Variants in IMPG1 observed in about 807,000 individuals in gnomAD.
IMPG1 encodes interphotoreceptor matrix proteoglycan 1.
In IMPG1, 85 loss-of-function variants were observed where a neutral mutation model predicts 92.0. That is an observed-to-expected ratio of 0.92 (90% CI 0.78 to 1.11). The LOEUF is 1.11. Among genes scored for constraint, IMPG1 ranks in the 50% least tolerant of loss-of-function variants. The probability of loss-of-function intolerance (pLI) is 0.00; values close to 1 mark genes in which losing one functional copy is unlikely to be tolerated. For missense variants in IMPG1, 1,022 were observed against 956.0 expected (o/e 1.07, Z -0.91); for synonymous variants, 367 against 334.1 (o/e 1.10, Z -1.08).
intron 14 of IMPG1, among the ~76,000 whole-genome samples, chr6:75,935,232 G>T (rs926256225): frequency 6.6e-5 from 10 of 152,218 alleles, no homozygotes; most frequent in African/African-American, 2.4e-4. Flanking sequence ...GGATTCACGC[G>T]GTAGCAGGAG....
chr6:75,922,246 T>C (rs1582041698), intron 16 of IMPG1, 80 bp from the exon 17 acceptor site: 1 of 644,424 alleles, frequency 1.6e-6, no homozygotes. Context: ...TTACTGCCAC[T>C]GGTAGATAAG....
intron 12 of IMPG1, among the ~76,000 whole-genome samples, chr6:75,988,026 G>A (rs1444055627): frequency 6.6e-6 from 1 of 152,152 alleles, no homozygotes; most frequent in Admixed American, 6.5e-5. Flanking sequence ...TATCATTGAT[G>A]GACATTTGGA....
At chr6:76,054,292 T>C (rs142647626) in intron 1 of IMPG1, among the ~76,000 whole-genome samples, 1 of 152,194 alleles carries the variant, frequency 6.6e-6, no homozygotes, top group East Asian at 1.9e-4. Context: ...CATTCTGAGG[T>C]TTAGTGCTAG....
intron 12 of IMPG1, among the ~76,000 whole-genome samples, chr6:75,991,131 G>A (rs1210384466): frequency 6.6e-6 from 1 of 152,106 alleles, no homozygotes; most frequent in East Asian, 1.9e-4. Flanking sequence ...GGTGGTTCAC[G>A]CCTATAATCC....
intron 11 of IMPG1, among the ~76,000 whole-genome samples, chr6:76,003,283 AT>A (rs1187557403): frequency 3.3e-5 from 5 of 152,216 alleles, no homozygotes; most frequent in Admixed American, 2.0e-4. Context: ...CATGTTATGA[AT>A]TATTTCATTT....
chr6:76,050,478 A>G (rs1179671215), intron 1 of IMPG1, among the ~76,000 whole-genome samples: 8 of 152,088 alleles, frequency 5.3e-5, no homozygotes, highest in Non-Finnish European at 1.5e-5. Context: ...AAGCATGTTT[A>G]TTAGCTACTG....
At chr6:76,068,033 T>C (rs1399638690) in intron 1 of IMPG1, among the ~76,000 whole-genome samples, 2 of 152,152 alleles carry the variant, frequency 1.3e-5, no homozygotes, top group South Asian at 4.2e-4. Flanking sequence ...AGAAGGAACA[T>C]ACCTCAAAAT....
chr6:76,024,491 T>C (rs1783488684), intron 5 of IMPG1, among the ~76,000 whole-genome samples: 1 of 152,158 alleles, frequency 6.6e-6, no homozygotes, highest in African/African-American at 2.4e-5. Context: ...TCCTCTGCCT[T>C]TTGGCAAACT....
chr6:75,981,021 G>T (rs974296559), intron 12 of IMPG1, among the ~76,000 whole-genome samples: 1 of 152,188 alleles, frequency 6.6e-6, no homozygotes, highest in Non-Finnish European at 1.5e-5. Context: ...CACTGGTAGA[G>T]GAAAGGTTCC....
intron 1 of IMPG1, among the ~76,000 whole-genome samples, chr6:76,042,359 T>C (rs1783859990): frequency 1.3e-5 from 2 of 152,108 alleles, no homozygotes; most frequent in Admixed American, 1.3e-4. Context: ...TCTCAAATCA[T>C]CTTGCCTTTA....
intron 2 of IMPG1, among the ~76,000 whole-genome samples, chr6:76,036,793 C>T (rs1489880097): frequency 5.0e-4 from 10 of 19,936 alleles, no homozygotes; most frequent in Non-Finnish European, 1.4e-3. Context: ...TATTGAGTGG[C>T]TATGGTAGAT....
chr6:75,938,846 C>CAA (rs1394512461), intron 14 of IMPG1, among the ~76,000 whole-genome samples: 2 of 149,942 alleles, frequency 1.3e-5, no homozygotes, highest in Non-Finnish European at 3.0e-5. Flanking sequence ...CAAAACAAAA[C>CAA]AAAAAAATAC....
intron 12 of IMPG1, among the ~76,000 whole-genome samples, chr6:75,963,162 T>C (rs2149462514): frequency 1.3e-5 from 2 of 152,184 alleles, no homozygotes; most frequent in African/African-American, 4.8e-5. Flanking sequence ...TAATAAAATA[T>C]CACTATATTG....
intron 4 of IMPG1, among the ~76,000 whole-genome samples, chr6:76,031,633 C>T (rs1783654633): frequency 6.6e-6 from 1 of 152,222 alleles, no homozygotes; most frequent in African/African-American, 2.4e-5. Context: ...CCATATTTAA[C>T]AACTCTCGTT....
intron 2 of IMPG1, 79 bp downstream of exon 2, chr6:76,041,814 G>T: frequency 1.1e-6 from 1 of 934,866 alleles, no homozygotes. Flanking sequence ...GAAGTTTTAG[G>T]CTAAAGACAA....
chr6:75,974,033 A>C (rs1394062107), intron 12 of IMPG1, among the ~76,000 whole-genome samples: 1 of 152,218 alleles, frequency 6.6e-6, no homozygotes, highest in East Asian at 1.9e-4. Context: ...GTAGAAATCA[A>C]ACATGTGAAT....
At chr6:76,065,793 C>A (rs1049557133) in intron 1 of IMPG1, among the ~76,000 whole-genome samples, 3 of 151,972 alleles carry the variant, frequency 2.0e-5, no homozygotes, top group Admixed American at 2.0e-4. Context: ...TATCCAAAAT[C>A]AGTGTGAAGA....
At chr6:76,068,586 C>G (rs141741339) in intron 1 of IMPG1, among the ~76,000 whole-genome samples, 10 of 145,258 alleles carry the variant, frequency 6.9e-5, no homozygotes, top group African/African-American at 1.8e-4. Context: ...ATGATCTCAG[C>G]TTACCGCAAT....
intron 12 of IMPG1, among the ~76,000 whole-genome samples, chr6:75,986,664 A>G (rs1782722997): frequency 6.6e-6 from 1 of 152,214 alleles, no homozygotes; most frequent in African/African-American, 2.4e-5. Flanking sequence ...TTACTGGAAT[A>G]TTACCATAAA....
Sources: gnomAD v4.1 joint callset for allele counts (sites outside exome capture counted in the v4.1 genomes callset) on GRCh38, gnomAD v4.1.1 for gene constraint, MANE v1.5 for transcripts, NCBI Gene and HGNC (gene_info 2026-07-23, HGNC 2026-07-21) for gene names.